The following SLC6A4 variants were observed in gnomAD, a reference collection of about 807,000 sequenced individuals.
SLC6A4 encodes solute carrier family 6 member 4, also known as sodium-dependent serotonin transporter.
A neutral mutation model predicts 73.4 loss-of-function variants in SLC6A4; 22 were observed. The ratio of observed to expected loss-of-function variants is 0.30; its 90% confidence interval spans 0.21 to 0.43. SLC6A4 has a LOEUF of 0.43. SLC6A4 is among the 20% of genes least tolerant of loss of function. The probability of loss-of-function intolerance (pLI) is 1.00; values close to 1 mark genes in which losing one functional copy is unlikely to be tolerated. For missense variants in SLC6A4, 593 were observed against 808.5 expected (o/e 0.73, Z 3.23); for synonymous variants, 270 against 315.5 (o/e 0.86, Z 1.53).
chr17:30,206,557 A>C (rs1390836001), intron 13 of SLC6A4: 1 of 152,200 alleles, frequency 6.6e-6, no homozygotes, highest in Non-Finnish European at 1.5e-5. Context: ...AGATGCATAC[A>C]AAATTGTAAA....
intron 12 of SLC6A4, among the ~76,000 whole-genome samples, chr17:30,208,848 T>C (rs1906291646): frequency 6.8e-6 from 1 of 146,418 alleles, no homozygotes; most frequent in Non-Finnish European, 1.5e-5. Context: ...TGCGCCATCA[T>C]GCCCGGCTAA....
intron 9 of SLC6A4, 44 bp downstream of exon 9, chr17:30,212,696 A>T (rs751437604): frequency 6.3e-7 from 1 of 1,595,472 alleles, no homozygotes; most frequent in South Asian, 1.1e-5. Flanking sequence ...AAAGCAAAGC[A>T]ACTCAGTAGG....
chr17:30,194,971 T>C lies in SLC6A4; in HGVS notation c.*3485A>G, dbSNP rs1291224224. The C allele has an allele frequency of 6.6e-6, 1 of 152,230 alleles. No homozygotes were observed. Among genetic ancestry groups the C allele is most frequent in the Non-Finnish European group, 1.5e-5 (1 of 68,046 alleles). 9.4% of individuals were successfully genotyped at this position (152,230 alleles called of 1,614,324 possible). A position where few individuals can be genotyped will look rare whatever the true frequency, so the allele number is the denominator to read the frequency against. On this transcript the variant is annotated 3_prime_UTR_variant, in exon 15 of 15. Coordinates refer to ENST00000650711, the MANE Select transcript of SLC6A4 (RefSeq NM_001045.6). ...GTTGGCTGGTGAAGAAAGTTTATTT[T>C]AGTAGCTTTAAAAAAATACTTGCAT... is the stretch of plus-strand genomic sequence containing the variant.
In SLC6A4 at chr17:30,222,852, T is replaced by C; in HGVS notation, c.-157A>G. ...CTTCTTTCCACTTGCCAGCAACTCCTGTGGCTAAGCCCCTTGTTATTCTGC... is the reference window on the plus strand; with the variant it reads ...CTTCTTTCCACTTGCCAGCAACTCCCGTGGCTAAGCCCCTTGTTATTCTGC... On this transcript the variant is annotated 5_prime_UTR_variant, in exon 2 of 15. Coordinates refer to ENST00000650711, the MANE Select transcript of SLC6A4 (RefSeq NM_001045.6). 7.7e-7 allele frequency: 1 copy of C among 1,304,388 alleles called. No homozygotes were observed. Among genetic ancestry groups the C allele is most frequent in the Middle Eastern group, 2.1e-4 (1 of 4,698 alleles). The allele number at this position is 1,304,388 out of a possible 1,614,324, so 80.8% of individuals were successfully genotyped here.
chr17:30,228,870 G>GTA (rs1907004450), intron 1 of SLC6A4, among the ~76,000 whole-genome samples: 1 of 152,180 alleles, frequency 6.6e-6, no homozygotes, highest in Admixed American at 6.5e-5. Context: ...TGGAAGCAGG[G>GTA]GCTATGGCTA....
chr17:30,208,063 A>C (rs530172490), intron 12 of SLC6A4, among the ~76,000 whole-genome samples: 47 of 152,314 alleles, frequency 3.1e-4, no homozygotes, highest in African/African-American at 9.1e-4. Context: ...GGGACTTGTC[A>C]CAAAACTGCA....
chr17:30,208,166 T>A (rs1001507569), intron 12 of SLC6A4, among the ~76,000 whole-genome samples: 2 of 152,086 alleles, frequency 1.3e-5, no homozygotes, highest in African/African-American at 2.4e-5. Flanking sequence ...TGGATGGGCA[T>A]CTGGGAAGAG....
intron 13 of SLC6A4, chr17:30,203,726 A>C: frequency 5.1e-6 from 1 of 196,702 alleles, no homozygotes; most frequent in East Asian, 1.2e-4. Flanking sequence ...AGAGGAATAA[A>C]CTGGGTGACC....
chr17:30,219,461 G>A (rs1217796111), intron 3 of SLC6A4, among the ~76,000 whole-genome samples: 10 of 152,210 alleles, frequency 6.6e-5, no homozygotes, highest in Admixed American at 5.2e-4. Context: ...CAGATCACCT[G>A]TGACAATCTG....
At position 30,211,801 on chromosome 17, in the gene SLC6A4, C is replaced by T. The variant is rs1906394746; in HGVS notation, c.1205-377G>A. On this transcript the variant is annotated intron_variant, in intron 9 of 14. Transcript: ENST00000650711. This position sits in a 1 kb window ranked among gnomAD's most constrained non-coding sequence, Gnocchi z 4.0. ...ATTTCTAAAGTCCATGACAGTTAGC[C>T]CCCTCTGATGTCTTCAGCTTCAGAA... Among the ~76,000 whole-genome samples, 1 of 152,166 alleles carries T rather than the reference C, an allele frequency of 6.6e-6. No individual in the cohort carries two copies. Among genetic ancestry groups the T allele is most frequent in the Admixed American group, 6.5e-5 (1 of 15,278 alleles).
chr17:30,211,494 C>T lies in SLC6A4; in HGVS notation c.1205-70G>A. 3.2e-6 allele frequency: 3 copies of T among 947,818 alleles called. No individual in the cohort carries two copies. The highest frequency in any genetic ancestry group is 1.3e-5 in the South Asian group (1 of 75,932). The allele number at this position is 947,818 out of a possible 1,614,324, so 58.7% of individuals were successfully genotyped here. On this transcript the variant is annotated intron_variant, in intron 9 of 14. Transcript: ENST00000650711. The surrounding 1 kb of genome is among the most constrained non-coding windows in gnomAD (Gnocchi z 4.0). ...CCTACAAAGATGTCACAGAGGAAAA[C>T]TCAGCCACAACAACAGTTACAATTC...
chr17:30,221,358 C>G (rs1906743972), intron 3 of SLC6A4, among the ~76,000 whole-genome samples: 1 of 152,114 alleles, frequency 6.6e-6, no homozygotes. Context: ...AAGACATAAT[C>G]TGTCTTCTGG....
chr17:30,216,274 GAGAAGGAGAAGGGAGC>G, intron 6 of SLC6A4, 58 bp from the exon 7 acceptor site: 2 of 232,358 alleles, frequency 8.6e-6, no homozygotes, highest in South Asian at 6.1e-5. Flanking sequence ...GAGGGGAGGG[GAGAAGGAGAAGGGAGC>G]GGGGGAGGGG....
chr17:30,214,634 C>CTTTCT (rs765573153), intron 8 of SLC6A4, among the ~76,000 whole-genome samples: 7 of 132,340 alleles, frequency 5.3e-5, no homozygotes, highest in Admixed American at 2.3e-4. Context: ...TTCTTTCTTT[C>CTTTCT]TTTTTTTTTT....
intron 5 of SLC6A4, 90 bp downstream of exon 5, chr17:30,218,028 G>T: frequency 1.0e-6 from 1 of 953,326 alleles, no homozygotes; most frequent in Non-Finnish European, 1.7e-6. Context: ...GGGGTGAGGA[G>T]CCCTTGGCCC....
At chr17:30,230,125 G>GGAAGAGGAA (rs1378152730) in intron 1 of SLC6A4, among the ~76,000 whole-genome samples, 5 of 135,752 alleles carry the variant, frequency 3.7e-5, no homozygotes, top group African/African-American at 1.6e-4. Context: ...AAGAGGAAGA[G>GGAAGAGGAA]GAGGAGGAGG....
chr17:30,214,760 GTAGCTGGGAC>G (rs1329466705), intron 8 of SLC6A4, among the ~76,000 whole-genome samples: 1 of 150,976 alleles, frequency 6.6e-6, no homozygotes, highest in East Asian at 2.0e-4. Context: ...AGCCTCCTGA[GTAGCTGGGAC>G]TACAGGCGCC....
intron 13 of SLC6A4, chr17:30,204,606 C>T (rs974041944): frequency 3.3e-5 from 5 of 152,124 alleles, no homozygotes; most frequent in Non-Finnish European, 7.3e-5. Flanking sequence ...TTCAGAAACC[C>T]CCTCACACAT....
rs199522969 is a variant in SLC6A4 at position 30,197,502 on chromosome 17, T to C, written c.*954A>G. Reference sequence around the variant, plus strand: ...TTAAACCAGAGGGCCAGGTGAACACTGAAGGGGCATGTGACAAGATCCACC... The same window carrying C: ...TTAAACCAGAGGGCCAGGTGAACACCGAAGGGGCATGTGACAAGATCCACC... On this transcript the variant is annotated 3_prime_UTR_variant, in exon 15 of 15. Coordinates refer to ENST00000650711, the MANE Select transcript of SLC6A4 (RefSeq NM_001045.6). 6.6e-6 allele frequency: 1 copy of C among 152,492 alleles called. No homozygotes were observed. The highest frequency in any genetic ancestry group is 1.5e-5 in the Non-Finnish European group (1 of 68,070). 9.4% of individuals were successfully genotyped at this position (152,492 alleles called of 1,614,324 possible).
Sources: gnomAD v4.1 joint callset for allele counts (sites outside exome capture counted in the v4.1 genomes callset) on GRCh38, gnomAD v4.1.1 for gene constraint, Gnocchi (gnomAD v3.1) non-coding constraint, MANE v1.5 for transcripts, NCBI Gene and HGNC (gene_info 2026-07-23, HGNC 2026-07-21) for gene names.